The following SLC1A1 variants were observed in gnomAD, a reference collection of about 807,000 sequenced individuals.
SLC1A1 encodes excitatory amino acid transporter 3.
Under a neutral mutation model 53.3 loss-of-function variants are expected in SLC1A1, and 43 were observed. That is an observed-to-expected ratio of 0.81 (90% CI 0.63 to 1.04). The LOEUF is 1.04. Ranked by LOEUF, SLC1A1 falls within the 50% of genes least tolerant of loss-of-function variation. The probability of loss-of-function intolerance (pLI) is 0.00; values close to 1 mark genes in which losing one functional copy is unlikely to be tolerated. For synonymous variants in SLC1A1, 307 were observed against 243.2 expected (o/e 1.26, Z -2.44); for missense variants, 748 against 664.9 (o/e 1.12, Z -1.37).
intron 5 of SLC1A1, among the ~76,000 whole-genome samples, chr9:4,566,963 G>A (rs187493045): frequency 7.2e-5 from 11 of 152,232 alleles, no homozygotes; most frequent in African/African-American, 2.4e-4. Flanking sequence ...CGGCCTCCAC[G>A]AGGGACAGAA....
intron 10 of SLC1A1, among the ~76,000 whole-genome samples, chr9:4,582,096 T>A (rs1821152643): frequency 6.6e-6 from 1 of 152,218 alleles, no homozygotes; most frequent in Non-Finnish European, 1.5e-5. Flanking sequence ...AGGTGTGGCC[T>A]CCAGCTTATC....
chr9:4,506,154 GC>G (rs770362152), intron 1 of SLC1A1, among the ~76,000 whole-genome samples: 1 of 151,320 alleles, frequency 6.6e-6, no homozygotes, highest in Non-Finnish European at 1.5e-5. Flanking sequence ...ACGGGGTTTC[GC>G]CATGTTAGCC....
intron 1 of SLC1A1, among the ~76,000 whole-genome samples, chr9:4,522,472 C>A (rs757410662): frequency 2.0e-5 from 3 of 152,266 alleles, no homozygotes; most frequent in Non-Finnish European, 4.4e-5. Flanking sequence ...GCCTAATGTC[C>A]GTGTGAGTCA....
At chr9:4,501,259 T>G (rs906363500) in intron 1 of SLC1A1, among the ~76,000 whole-genome samples, 6 of 150,382 alleles carry the variant, frequency 4.0e-5, no homozygotes, top group Non-Finnish European at 8.9e-5. Flanking sequence ...TCTCGGCAAC[T>G]GCAACCTCCA....
At chr9:4,574,180 G>A (rs1048729534) in intron 8 of SLC1A1, among the ~76,000 whole-genome samples, 166 bp downstream of exon 8, 3 of 152,166 alleles carry the variant, frequency 2.0e-5, no homozygotes, top group Non-Finnish European at 2.9e-5. Flanking sequence ...TTTAACAGCT[G>A]TACTGTAGGT....
intron 1 of SLC1A1, among the ~76,000 whole-genome samples, chr9:4,538,648 T>G (rs188918164): frequency 5.9e-5 from 9 of 152,336 alleles, no homozygotes; most frequent in Non-Finnish European, 1.2e-4. Context: ...ATATTGCCAG[T>G]ATAGTAAATA....
At chr9:4,498,609 T>C (rs930019552) in intron 1 of SLC1A1, among the ~76,000 whole-genome samples, 9 of 151,960 alleles carry the variant, frequency 5.9e-5, no homozygotes, top group African/African-American at 2.2e-4. Context: ...AGCTTTATGT[T>C]TATGTATTTC....
At chr9:4,529,835 T>C (rs1808455693) in intron 1 of SLC1A1, among the ~76,000 whole-genome samples, 1 of 152,122 alleles carries the variant, frequency 6.6e-6, no homozygotes, top group Admixed American at 6.5e-5. Context: ...TTAAAATATA[T>C]ATATACTTGA....
intron 1 of SLC1A1, among the ~76,000 whole-genome samples, chr9:4,518,524 G>T (rs575425108): frequency 2.2e-4 from 33 of 152,042 alleles, no homozygotes; most frequent in Non-Finnish European, 3.8e-4. Context: ...GGGCCACTGC[G>T]CCTGGCCTAC....
rs1564072960 is a variant in SLC1A1 at position 4,585,802 on chromosome 9, T to C, written c.*244T>C. On this transcript the variant is annotated 3_prime_UTR_variant, in exon 12 of 12. Transcript: ENST00000262352. ...AGTTCTATTATCTGGGTTTTAGAAA[T>C]TCTATAAGAGACAAAGTTTGGAAGT... 1.9e-6 allele frequency: 1 copy of C among 527,770 alleles called. No homozygotes were observed. Among genetic ancestry groups the C allele is most frequent in the Non-Finnish European group, 3.4e-6 (1 of 294,076 alleles). 32.7% of individuals were successfully genotyped at this position (527,770 alleles called of 1,614,324 possible). A position where few individuals can be genotyped will look rare whatever the true frequency, so the allele number is the denominator to read the frequency against.
chr9:4,575,946 A>C, intron 8 of SLC1A1, 55 bp from the exon 9 acceptor site: 3 of 1,594,838 alleles, frequency 1.9e-6, no homozygotes, highest in Non-Finnish European at 1.7e-6. Context: ...AAAAGGATTA[A>C]GTGTGGGGAG....
Position 4,585,790 on chromosome 9 carries a change from G to A in SLC1A1, c.*232G>A, listed in dbSNP as rs964123934. 1.1e-5 allele frequency: 6 copies of A among 549,312 alleles called. No individual in the cohort carries two copies. Among genetic ancestry groups the A allele is most frequent in the Non-Finnish European group, 1.9e-5 (6 of 308,538 alleles). The allele number at this position is 549,312 out of a possible 1,614,324, so 34.0% of individuals were successfully genotyped here. A position where few individuals can be genotyped will look rare whatever the true frequency, so the allele number is the denominator to read the frequency against. The stretch of plus-strand genomic sequence containing the variant: ...AATTTAAAGGAAAGTTCTATTATCT[G>A]GGTTTTAGAAATTCTATAAGAGACA... On this transcript the variant is annotated 3_prime_UTR_variant, in exon 12 of 12. Coordinates refer to ENST00000262352, the MANE Select transcript of SLC1A1 (RefSeq NM_004170.6).
intron 1 of SLC1A1, among the ~76,000 whole-genome samples, chr9:4,508,738 A>G (rs1291945071): frequency 2.6e-5 from 4 of 152,186 alleles, no homozygotes; most frequent in Admixed American, 2.6e-4. Flanking sequence ...TGCCTTTCAT[A>G]ATCAGGTTTG....
intron 1 of SLC1A1, among the ~76,000 whole-genome samples, chr9:4,520,633 G>A (rs904262476): frequency 1.6e-4 from 24 of 152,142 alleles, no homozygotes; most frequent in Non-Finnish European, 3.5e-4. Flanking sequence ...TATTCCATTG[G>A]ATAGAGATAC....
rs1185613195 is a variant in SLC1A1, at chr9:4,537,767, TG to T, written c.92-6795del. ...TAGATTAGTGGTTACCAGGAGCCCTTGGGGGTAGGGAGAAGTGGGGAGTGAC... is the reference window on the plus strand; with the variant it reads ...TAGATTAGTGGTTACCAGGAGCCCTTGGGGTAGGGAGAAGTGGGGAGTGAC... On this transcript the variant is annotated intron_variant, in intron 1 of 11. Transcript: ENST00000262352. 4.0e-5 allele frequency among the ~76,000 whole-genome samples: 6 copies of T among 151,892 alleles called. No homozygotes were observed. The East Asian group carries it at 1.2e-3, about 29-fold the overall frequency.
At chr9:4,584,118 C>A (rs1034179869) in intron 11 of SLC1A1, among the ~76,000 whole-genome samples, 1 of 152,196 alleles carries the variant, frequency 6.6e-6, no homozygotes, top group East Asian at 1.9e-4. Flanking sequence ...CTCAGGCTCA[C>A]TGGGGAGTCC....
rs185763307 is a variant in SLC1A1 at position 4,495,349 on chromosome 9, G to A, written c.91+4579G>A. Among the ~76,000 whole-genome samples, 15 of 152,294 alleles carry A rather than the reference G, an allele frequency of 9.8e-5. No individual in the cohort carries two copies. In the East Asian group the frequency reaches 2.9e-3, roughly 29 times the overall value. Reference sequence around the variant, plus strand: ...AGACCCCCACTGTGCACCAGGGATTGTTCTACAGCCGGGTCACACAGCATG... The same window carrying A: ...AGACCCCCACTGTGCACCAGGGATTATTCTACAGCCGGGTCACACAGCATG... On this transcript the variant is annotated intron_variant, in intron 1 of 11. Coordinates refer to ENST00000262352, the MANE Select transcript of SLC1A1 (RefSeq NM_004170.6).
intron 1 of SLC1A1, among the ~76,000 whole-genome samples, chr9:4,512,266 A>G (rs1821023454): frequency 6.6e-6 from 1 of 152,204 alleles, no homozygotes; most frequent in Non-Finnish European, 1.5e-5. Flanking sequence ...TAATCCCAGC[A>G]CTTTGGGAGG....
chr9:4,527,295 A>C (rs1816297669), intron 1 of SLC1A1, among the ~76,000 whole-genome samples: 1 of 152,238 alleles, frequency 6.6e-6, no homozygotes. Flanking sequence ...CAGAGGACTC[A>C]GTGTAGCTGT....
Sources: gnomAD v4.1 joint callset for allele counts (sites outside exome capture counted in the v4.1 genomes callset) on GRCh38, gnomAD v4.1.1 for gene constraint, MANE v1.5 for transcripts, NCBI Gene and HGNC (gene_info 2026-07-23, HGNC 2026-07-21) for gene names.